FAF1: variants seen among roughly 807,000 people sequenced by gnomAD.
FAF1 encodes the protein FAS-associated factor 1.
A neutral mutation model predicts 92.5 loss-of-function variants in FAF1; 25 were observed. That is an observed-to-expected ratio of 0.27 (90% CI 0.20 to 0.38). The LOEUF (loss-of-function observed/expected upper bound fraction) is 0.38. Among genes scored for constraint, FAF1 ranks in the 10% least tolerant of loss-of-function variants. FAF1 has a pLI of 1.00. For missense variants in FAF1, 636 were observed against 793.3 expected (o/e 0.80, Z 2.38); for synonymous variants, 234 against 273.2 (o/e 0.86, Z 1.42).
intron 18 of FAF1, among the ~76,000 whole-genome samples, chr1:50,468,253 C>CA (rs1646524339): frequency 1.3e-5 from 2 of 151,880 alleles, no homozygotes; most frequent in Non-Finnish European, 2.9e-5. Flanking sequence ...CATTGTACCC[C>CA]ATAACAATAT....
intron 13 of FAF1, among the ~76,000 whole-genome samples, chr1:50,552,151 GCCAGGCA>G (rs1649337236): frequency 6.6e-6 from 1 of 152,022 alleles, no homozygotes; most frequent in South Asian, 2.1e-4. Context: ...AAAAAAACTA[GCCAGGCA>G]TGGTAGTGTG....
chr1:50,540,285 TA>T (rs1393982894), intron 13 of FAF1, among the ~76,000 whole-genome samples: 10 of 152,132 alleles, frequency 6.6e-5, no homozygotes, highest in Non-Finnish European at 1.2e-4. Context: ...TTCTTAGCCT[TA>T]AACACTACAA....
chr1:50,530,019 A>G (rs1648054994), intron 15 of FAF1, among the ~76,000 whole-genome samples: 1 of 152,160 alleles, frequency 6.6e-6, no homozygotes, highest in South Asian at 2.1e-4. Context: ...ACCATTTAGT[A>G]ACCTAATCAT....
At chr1:50,599,215 T>C (rs776030030) in intron 8 of FAF1, among the ~76,000 whole-genome samples, 65 of 152,088 alleles carry the variant, frequency 4.3e-4, no homozygotes, top group Admixed American at 2.6e-3. Context: ...CAGGTTCGAG[T>C]GATTCTCCTG....
At chr1:50,697,288 T>C (rs551566271) in intron 7 of FAF1, among the ~76,000 whole-genome samples, 157 of 152,354 alleles carry the variant, frequency 1.0e-3, no homozygotes, top group Non-Finnish European at 2.0e-3. Context: ...TTAGCCATGA[T>C]AATCCAGTTT....
At chr1:50,601,991 T>TA (rs1652158930) in intron 8 of FAF1, among the ~76,000 whole-genome samples, 1 of 152,090 alleles carries the variant, frequency 6.6e-6, no homozygotes, top group African/African-American at 2.4e-5. Flanking sequence ...TCTTAACATC[T>TA]CCTTTTGTAA....
At chr1:50,908,258 CT>C (rs901508709) in intron 1 of FAF1, among the ~76,000 whole-genome samples, 7 of 152,138 alleles carry the variant, frequency 4.6e-5, no homozygotes, top group Non-Finnish European at 8.8e-5. Flanking sequence ...AATTTCTGTT[CT>C]TTTACATTTG....
chr1:50,880,511 T>C (rs750833544), intron 1 of FAF1, among the ~76,000 whole-genome samples: 1 of 152,190 alleles, frequency 6.6e-6, no homozygotes, highest in Non-Finnish European at 1.5e-5. Flanking sequence ...ACTATCCTTA[T>C]AGATAGAAAT....
intron 1 of FAF1, among the ~76,000 whole-genome samples, chr1:50,901,058 G>C (rs1644792620): frequency 6.6e-6 from 1 of 151,978 alleles, no homozygotes; most frequent in Admixed American, 6.6e-5. Flanking sequence ...GAAAAATATG[G>C]AAGTATTTCA....
Position 50,490,439 on chromosome 1 carries a change from G to A in FAF1, c.1653+149C>T, listed in dbSNP as rs960415291. ...AGGAAGGAAGGAAGGAAGGAAGGAA[G>A]GAAGGAAGGAAGGAAGGAAGGAAAA... On this transcript the variant is annotated intron_variant, in intron 17 of 18. Coordinates refer to ENST00000396153, the MANE Select transcript of FAF1 (RefSeq NM_007051.3). 235 of 461,526 alleles carry A rather than the reference G, an allele frequency of 5.1e-4. 4 individuals are homozygous for A. Among genetic ancestry groups the A allele is most frequent in the African/African-American group, 4.1e-3 (157 of 38,758 alleles). 28.6% of individuals were successfully genotyped at this position (461,526 alleles called of 1,614,324 possible).
At chr1:50,812,200 C>T (rs1643922578) in intron 2 of FAF1, among the ~76,000 whole-genome samples, 1 of 151,994 alleles carries the variant, frequency 6.6e-6, no homozygotes, top group African/African-American at 2.4e-5. Context: ...AAAAAATGAC[C>T]AATGAGACAT....
At chr1:50,685,207 G>A (rs1308419624) in intron 7 of FAF1, among the ~76,000 whole-genome samples, 3 of 152,174 alleles carry the variant, frequency 2.0e-5, no homozygotes, top group African/African-American at 7.2e-5. Flanking sequence ...AGGCAGGTAA[G>A]TAAATATCAG....
chr1:50,614,971 T>C (rs1415493931), intron 8 of FAF1, among the ~76,000 whole-genome samples: 1 of 152,208 alleles, frequency 6.6e-6, no homozygotes, highest in Non-Finnish European at 1.5e-5. Context: ...TACAGGATTT[T>C]TACATGGGTA....
intron 13 of FAF1, among the ~76,000 whole-genome samples, chr1:50,544,781 G>C (rs975112832): frequency 2.6e-5 from 4 of 152,162 alleles, no homozygotes; most frequent in African/African-American, 9.7e-5. Context: ...AGTGGTCAGG[G>C]AAAGTCTCAA....
chr1:50,630,803 A>C (rs1653740326), intron 8 of FAF1, among the ~76,000 whole-genome samples: 1 of 146,744 alleles, frequency 6.8e-6, no homozygotes, highest in African/African-American at 2.5e-5. Flanking sequence ...TTCACTTTCC[A>C]GTTTACATAT....
chr1:50,866,036 T>C (rs1364689836), intron 1 of FAF1, among the ~76,000 whole-genome samples: 1 of 152,084 alleles, frequency 6.6e-6, no homozygotes, highest in Non-Finnish European at 1.5e-5. Flanking sequence ...GATGCCAGGA[T>C]GGTTTAATAT....
intron 1 of FAF1, among the ~76,000 whole-genome samples, chr1:50,909,818 GA>G (rs1173092411): frequency 6.6e-6 from 1 of 152,168 alleles, no homozygotes; most frequent in Admixed American, 6.5e-5. Flanking sequence ...CGATGGGTTT[GA>G]AGATCCCCCT....
chr1:50,913,914 A>C (rs1376089905), intron 1 of FAF1, among the ~76,000 whole-genome samples: 1 of 152,138 alleles, frequency 6.6e-6, no homozygotes, highest in Non-Finnish European at 1.5e-5. Flanking sequence ...CTGATGACCA[A>C]ATTGGTTTTT....
chr1:50,732,182 C>A (rs1658954061), intron 6 of FAF1, among the ~76,000 whole-genome samples: 2 of 152,146 alleles, frequency 1.3e-5, no homozygotes, highest in Non-Finnish European at 2.9e-5. Flanking sequence ...TCACGCCATT[C>A]TCCCACCTCA....
Sources: gnomAD v4.1 joint callset for allele counts (sites outside exome capture counted in the v4.1 genomes callset) on GRCh38, gnomAD v4.1.1 for gene constraint, MANE v1.5 for transcripts, NCBI Gene and HGNC (gene_info 2026-07-23, HGNC 2026-07-21) for gene names.